TERF2IP: variants seen among roughly 807,000 people sequenced by gnomAD.
The protein encoded by TERF2IP is telomeric repeat-binding factor 2-interacting protein 1.
TERF2IP carries 35 observed loss-of-function variants against 33.3 expected under a neutral mutation model. The ratio of observed to expected loss-of-function variants is 1.05; its 90% CI spans 0.80 to 1.39. TERF2IP has a LOEUF of 1.39. Among genes scored for constraint, TERF2IP ranks in the 40% most tolerant of loss-of-function variants. The probability of loss-of-function intolerance (pLI) is 0.00; values close to 1 mark genes in which losing one functional copy is unlikely to be tolerated. For missense variants in TERF2IP, 583 were observed against 524.8 expected (o/e 1.11, Z -1.08); for synonymous variants, 253 against 223.2 (o/e 1.13, Z -1.19).
At chr16:75,654,685 G>A (rs1351282215) in intron 2 of TERF2IP, among the ~76,000 whole-genome samples, 1 of 152,178 alleles carries the variant, frequency 6.6e-6, no homozygotes, top group Non-Finnish European at 1.5e-5. Flanking sequence ...ATCCCACTTT[G>A]AGTACTTTAA....
chr16:75,648,961 A>T (rs2082325844), intron 1 of TERF2IP, among the ~76,000 whole-genome samples: 1 of 152,018 alleles, frequency 6.6e-6, no homozygotes, highest in Non-Finnish European at 1.5e-5. Context: ...TCCTGGGCTC[A>T]AGCGAATCTC....
chr16:75,655,112 G>A (rs981450323), intron 2 of TERF2IP, among the ~76,000 whole-genome samples: 3 of 152,208 alleles, frequency 2.0e-5, no homozygotes, highest in Admixed American at 6.5e-5. Flanking sequence ...CACCTCCCAG[G>A]TTCCAGCAAT....
At chr16:75,648,656 T>G in intron 1 of TERF2IP, 104 bp downstream of exon 1, 1 of 1,439,160 alleles carries the variant, frequency 6.9e-7, no homozygotes, top group Non-Finnish European at 9.1e-7. Context: ...GTAGCAGCGC[T>G]TGGCCCCGCC....
chr16:75,648,551 G>A lies in TERF2IP; in HGVS notation c.669G>A (p.Gly223=). The A allele has an allele frequency of 2.6e-6, 4 of 1,548,666 alleles. No individual in the cohort carries two copies. The highest frequency in any genetic ancestry group is 3.5e-6 in the Non-Finnish European group (4 of 1,143,562). The change falls in exon 1 of 3, where the codon GGG becomes GGA. Residue 223 remains glycine, a splice_region_variant and synonymous_variant. Transcript: ENST00000300086. ...AEEDPEAADS[G]EPQNKRTPDL... ...AGGACCCGGAGGCCGCGGATAGCGG[G>A]GGTGAGGAGGCTGAGCGCGGGGCCT...
Position 75,648,168 on chromosome 16 carries a change from C to A in TERF2IP, c.286C>A (p.Leu96Met), listed in dbSNP as rs1390672212. The change falls in exon 1 of 3, where the codon CTG becomes ATG. Residue 96 changes from leucine to methionine, a missense_variant. Physicochemically the swap from Leu to Met is conservative, Grantham distance 15. Coordinates refer to ENST00000300086, the MANE Select transcript of TERF2IP (RefSeq NM_018975.4). ...DCVERNERLE[L>M]EAYRLGPASA... ...CGTGGAGCGCAACGAGAGGCTGGAG[C>A]TGGAGGCCTATCGGCTGGGCCCCGC... 1 of 1,565,398 alleles carries A rather than the reference C, an allele frequency of 6.4e-7. No homozygotes were observed. The highest frequency in any genetic ancestry group is 8.6e-7 in the Non-Finnish European group (1 of 1,157,906).
intron 1 of TERF2IP, among the ~76,000 whole-genome samples, chr16:75,652,767 T>G (rs2082356709): frequency 6.6e-6 from 1 of 152,198 alleles, no homozygotes; most frequent in Non-Finnish European, 1.5e-5. Context: ...TTCTGTTCAG[T>G]GGCATTATTA....
In TERF2IP at chr16:75,656,570, G is replaced by T. The variant is rs1474748573; in HGVS notation, c.1159G>T (p.Ala387Ser). The part of the protein sequence containing the change: ...TREALVKKFG[A>S]QNVARRIEFR... ...AGAGGCATTGGTCAAAAAATTTGGT[G>T]CTCAGAATGTAGCTCGGAGGATTGA... Residue 387 changes from alanine (A) to serine (S), a missense_variant, in exon 3 of 3, where the codon GCT becomes TCT. By Grantham distance (99) the Ala-to-Ser change is moderately conservative. Transcript: ENST00000300086. 1.1e-5 allele frequency: 18 copies of T among 1,612,304 alleles called. No individual in the cohort carries two copies. Among genetic ancestry groups the T allele is most frequent in the Non-Finnish European group, 1.4e-5 (17 of 1,178,998 alleles).
intron 1 of TERF2IP, 184 bp downstream of exon 1, chr16:75,648,736 C>A: frequency 3.5e-6 from 5 of 1,420,024 alleles, no homozygotes; most frequent in Non-Finnish European, 4.6e-6. Flanking sequence ...TATTATTGTT[C>A]TTTTTTTGCG....
chr16:75,653,472 A>C (rs993796273), intron 1 of TERF2IP, among the ~76,000 whole-genome samples: 5 of 152,218 alleles, frequency 3.3e-5, no homozygotes, highest in African/African-American at 9.7e-5. Context: ...CCATCACGAA[A>C]AACTCCCTCT....
rs534696489 is a variant in TERF2IP, at chr16:75,656,452, C to G, written c.1041C>G (p.Ser347=). The G allele has an allele frequency of 6.2e-7, 1 of 1,614,156 alleles. No homozygotes were observed. Residue 347 remains serine, a synonymous_variant, in exon 3 of 3, where the codon TCC becomes TCG. Transcript: ENST00000300086. The part of the protein sequence containing the change: ...LKNSGELEAT[S]AFLASGQRAD... ...ATAGTGGTGAGCTGGAGGCTACTTC[C>G]GCCTTCTTAGCGTCTGGTCAGAGAG...
At chr16:75,650,795 C>T (rs2082341694) in intron 1 of TERF2IP, among the ~76,000 whole-genome samples, 1 of 152,118 alleles carries the variant, frequency 6.6e-6, no homozygotes, top group Non-Finnish European at 1.5e-5. Context: ...ACTTGGCCTC[C>T]CAAAAGTGCT....
Position 75,648,180 on chromosome 16 carries a change from C to T in TERF2IP, c.298C>T (p.Arg100Trp). The T allele has an allele frequency of 6.4e-7, 1 of 1,559,238 alleles. No individual in the cohort carries two copies. Among genetic ancestry groups the T allele is most frequent in the Non-Finnish European group, 8.7e-7 (1 of 1,154,432 alleles). The change falls in exon 1 of 3, where the codon CGG becomes TGG. Residue 100 changes from arginine to tryptophan, a missense_variant. Arg to Trp is a moderately radical substitution (Grantham distance 101). Coordinates refer to ENST00000300086, the MANE Select transcript of TERF2IP (RefSeq NM_018975.4). The stretch of plus-strand genomic sequence containing the variant: ...CGAGAGGCTGGAGCTGGAGGCCTAT[C>T]GGCTGGGCCCCGCCTCGGCGGCGGA... Reference protein sequence around the residue: ...RNERLELEAYRLGPASAADTG... With the variant: ...RNERLELEAYWLGPASAADTG...
At chr16:75,648,971 C>G (rs1332400604) in intron 1 of TERF2IP, among the ~76,000 whole-genome samples, 1 of 152,042 alleles carries the variant, frequency 6.6e-6, no homozygotes, top group Non-Finnish European at 1.5e-5. Flanking sequence ...AAGCGAATCT[C>G]CGGCTTCAGC....
intron 1 of TERF2IP, among the ~76,000 whole-genome samples, chr16:75,653,296 G>A (rs1240649229): frequency 1.3e-5 from 2 of 152,146 alleles, no homozygotes; most frequent in African/African-American, 4.8e-5. Context: ...TGCAATTGCT[G>A]GATCATATGG....
intron 2 of TERF2IP, among the ~76,000 whole-genome samples, chr16:75,655,988 C>T (rs556035939): frequency 8.3e-4 from 123 of 148,024 alleles, no homozygotes; most frequent in African/African-American, 2.8e-3. Flanking sequence ...CTCACACACA[C>T]GTGCACACAC....
intron 1 of TERF2IP, among the ~76,000 whole-genome samples, chr16:75,650,517 TTTA>T (rs2151817906): frequency 6.6e-6 from 1 of 152,212 alleles, no homozygotes; most frequent in African/African-American, 2.4e-5. Flanking sequence ...TGGCCTTGCT[TTTA>T]TTTTTATTTT....
At chr16:75,650,752 G>A (rs1282147244) in intron 1 of TERF2IP, among the ~76,000 whole-genome samples, 1 of 152,032 alleles carries the variant, frequency 6.6e-6, no homozygotes, top group East Asian at 1.9e-4. Context: ...GCCCAGGCTG[G>A]TCTCGAACTC....
In TERF2IP at chr16:75,656,803, T is replaced by C; in HGVS notation, c.*192T>C. ...AGAGGGGGATAAAAAGAAAAGAAAT[T>C]GGATGTATTTACAGCTGTCCTTGAA... is the stretch of plus-strand genomic sequence containing the variant. On this transcript the variant is annotated 3_prime_UTR_variant, in exon 3 of 3. Transcript: ENST00000300086. 1 of 589,810 alleles carries C rather than the reference T, an allele frequency of 1.7e-6. No individual in the cohort carries two copies. The highest frequency in any genetic ancestry group is 3.0e-6 in the Non-Finnish European group (1 of 337,002). The allele number at this position is 589,810 out of a possible 1,614,324, so 36.5% of individuals were successfully genotyped here.
intron 1 of TERF2IP, among the ~76,000 whole-genome samples, chr16:75,651,694 GAAA>G (rs2082348403): frequency 6.6e-6 from 1 of 151,972 alleles, no homozygotes; most frequent in East Asian, 1.9e-4. Flanking sequence ...ATCTCGGAAA[GAAA>G]AAAAGAAGAA....
Sources: gnomAD v4.1 joint callset for allele counts (sites outside exome capture counted in the v4.1 genomes callset) on GRCh38, gnomAD v4.1.1 for gene constraint, MANE v1.5 for transcripts, NCBI Gene and HGNC (gene_info 2026-07-23, HGNC 2026-07-21) for gene names.